Variants in IQGAP2 observed in about 807,000 individuals in gnomAD.
The protein encoded by IQGAP2 is IQ motif containing GTPase activating protein 2.
IQGAP2 carries 173 observed loss-of-function variants against 201.3 expected under a neutral mutation model. That is an observed-to-expected ratio of 0.86 (90% CI 0.76 to 0.98). The LOEUF is 0.98. Among genes scored for constraint, IQGAP2 ranks in the 50% least tolerant of loss-of-function variants. The pLI, the probability that IQGAP2 is intolerant of heterozygous loss-of-function variation, is 0.00. For missense variants in IQGAP2, 1,687 were observed against 1,864.8 expected (o/e 0.90, Z 1.76); for synonymous variants, 675 against 673.9 (o/e 1.00, Z -0.03).
intron 30 of IQGAP2, among the ~76,000 whole-genome samples, chr5:76,692,247 G>A (rs1040201172): frequency 1.3e-5 from 2 of 152,184 alleles, no homozygotes; most frequent in Non-Finnish European, 2.9e-5. Context: ...TGCCTCCCGG[G>A]TTTAAGCAAT....
intron 31 of IQGAP2, among the ~76,000 whole-genome samples, chr5:76,695,062 G>C (rs1746600948): frequency 6.6e-6 from 1 of 152,088 alleles, no homozygotes; most frequent in Admixed American, 6.5e-5. Context: ...AGTTTAGCTG[G>C]GTTCTGAACA....
rs773777986 is a variant in IQGAP2 at position 76,631,940 on chromosome 5, C to T, written c.1694C>T (p.Thr565Ile). Residue 565 changes from threonine (T) to isoleucine (I), a missense_variant, in exon 15 of 36, where the codon ACT becomes ATT. Physicochemically the swap from Thr to Ile is moderately conservative, Grantham distance 89. Transcript: ENST00000274364. Reference protein sequence around the residue: ...SDILSVLKSSTSNANDIIPEC... With the variant: ...SDILSVLKSSISNANDIIPEC... ...ATTTTGTCTGTATTGAAGTCTTCCA[C>T]TTCTAATGCAAATGACATAATCCCG... The T allele has an allele frequency of 6.2e-7, 1 of 1,612,718 alleles. No homozygotes were observed. The highest frequency in any genetic ancestry group is 8.5e-7 in the Non-Finnish European group (1 of 1,179,156).
chr5:76,619,002 A>G (rs1749315396), intron 13 of IQGAP2, among the ~76,000 whole-genome samples: 1 of 152,248 alleles, frequency 6.6e-6, no homozygotes, highest in Non-Finnish European at 1.5e-5. Context: ...GTCAAGGAAA[A>G]GATGAACTTG....
intron 1 of IQGAP2, among the ~76,000 whole-genome samples, chr5:76,461,055 T>G (rs962035253): frequency 3.3e-5 from 5 of 151,776 alleles, no homozygotes; most frequent in Admixed American, 6.6e-5. Flanking sequence ...ATTTTTTGTA[T>G]TTTTAGTAGA....
intron 2 of IQGAP2, among the ~76,000 whole-genome samples, chr5:76,472,821 T>G (rs76801527): frequency 2.6e-5 from 4 of 152,362 alleles, no homozygotes; most frequent in Non-Finnish European, 5.9e-5. Context: ...AAAGTTTATA[T>G]TTGTTTCTCA....
chr5:76,464,382 G>T (rs1754659249), intron 2 of IQGAP2, among the ~76,000 whole-genome samples: 1 of 152,062 alleles, frequency 6.6e-6, no homozygotes, highest in Admixed American at 6.5e-5. Flanking sequence ...TGTGATATTG[G>T]GTTTATTATA....
At chr5:76,699,652 TCTCTCTCTCA>T (rs1161026677) in intron 33 of IQGAP2, among the ~76,000 whole-genome samples, 45 of 110,226 alleles carry the variant, frequency 4.1e-4, no homozygotes, top group African/African-American at 5.3e-4. Context: ...TCTCTCTCTC[TCTCTCTCTCA>T]CTCTCGTGCT....
intron 21 of IQGAP2, among the ~76,000 whole-genome samples, chr5:76,660,882 C>T (rs143793887): frequency 6.6e-6 from 1 of 151,816 alleles, no homozygotes; most frequent in African/African-American, 2.4e-5. Context: ...ATGCAGAGGG[C>T]GATAGAATTA....
At chr5:76,676,642 C>A (rs1171801016) in intron 27 of IQGAP2, among the ~76,000 whole-genome samples, 2 of 152,166 alleles carry the variant, frequency 1.3e-5, no homozygotes, top group African/African-American at 4.8e-5. Context: ...GGGTCTGAGT[C>A]CTGGGACATG....
At chr5:76,404,595 G>A (rs2150065083) in intron 1 of IQGAP2, 1 of 580,604 alleles carries the variant, frequency 1.7e-6, no homozygotes. Flanking sequence ...TGTGTGTGTG[G>A]TTTTGGATGG....
chr5:76,475,004 G>A (rs994125131), intron 2 of IQGAP2, among the ~76,000 whole-genome samples: 25 of 152,266 alleles, frequency 1.6e-4, no homozygotes, highest in Non-Finnish European at 2.8e-4. Flanking sequence ...AAGCCACCGC[G>A]TCCGGCTGAG....
chr5:76,620,407 G>A (rs1749529995), intron 13 of IQGAP2, among the ~76,000 whole-genome samples: 3 of 152,096 alleles, frequency 2.0e-5, no homozygotes, highest in African/African-American at 7.2e-5. Flanking sequence ...GAGGCAGGAA[G>A]CAATAATGAC....
Position 76,650,722 on chromosome 5 carries a change from A to G in IQGAP2, c.2095-2028A>G, listed in dbSNP as rs1752452618. Among the ~76,000 whole-genome samples, 3 of 152,148 alleles carry G rather than the reference A, an allele frequency of 2.0e-5. No individual in the cohort carries two copies. In the South Asian group the frequency reaches 6.2e-4, roughly 31 times the overall value. On this transcript the variant is annotated intron_variant, in intron 17 of 35. Transcript: ENST00000274364. Reference sequence around the variant, plus strand: ...TGTGCCATGTTGGTTTGCTGCGCCCACTAACTCGTCATTTACATTAGGTAT... The same window carrying G: ...TGTGCCATGTTGGTTTGCTGCGCCCGCTAACTCGTCATTTACATTAGGTAT...
chr5:76,693,738 A>T, intron 31 of IQGAP2: 2 of 241,650 alleles, frequency 8.3e-6, no homozygotes, highest in Non-Finnish European at 8.0e-6. Context: ...ATGGGCAAAT[A>T]AGTCAGTTGA....
At position 76,673,588 on chromosome 5, in the gene IQGAP2, CCGT is replaced by C; in HGVS notation, c.3209_3209+2del. On this transcript the variant is annotated splice_donor_variant and coding_sequence_variant, in exon 25 of 36. Coordinates refer to ENST00000274364, the MANE Select transcript of IQGAP2 (RefSeq NM_006633.5). LOFTEE classifies it high-confidence loss of function. The stretch of plus-strand genomic sequence containing the variant: ...TATCATTTCTTCCCTTGATCTACTG[CCGT>C]AAGTTGTACTTGCAGCAAGTTTAAC... 1 of 1,613,024 alleles carries C rather than the reference CCGT, an allele frequency of 6.2e-7. No individual in the cohort carries two copies. Among genetic ancestry groups the C allele is most frequent in the Non-Finnish European group, 8.5e-7 (1 of 1,179,564 alleles).
chr5:76,465,897 A>G (rs7706384), intron 2 of IQGAP2, among the ~76,000 whole-genome samples: 34,353 of 152,180 alleles, frequency 0.23, 4,268 homozygotes, highest in African/African-American at 0.31. Flanking sequence ...TTAAATAGAC[A>G]GAAAGACATC....
In IQGAP2 at chr5:76,611,188, G is replaced by A. The variant is rs780818538; in HGVS notation, c.1521+5G>A. The A allele has an allele frequency of 1.2e-6, 2 of 1,605,098 alleles. No homozygotes were observed. Among genetic ancestry groups the A allele is most frequent in the Admixed American group, 1.7e-5 (1 of 58,144 alleles). On this transcript the variant is annotated splice_donor_5th_base_variant and intron_variant, in intron 13 of 35. Transcript: ENST00000274364. ...GCTAAATCACAGAAACTCGGAGTAA[G>A]TTTTAGTATATCTGTTTCTTTTAAA... is the stretch of plus-strand genomic sequence containing the variant.
At chr5:76,597,920 T>C (rs1747155728) in intron 10 of IQGAP2, among the ~76,000 whole-genome samples, 1 of 152,056 alleles carries the variant, frequency 6.6e-6, no homozygotes, top group Non-Finnish European at 1.5e-5. Flanking sequence ...CGATGTGGTA[T>C]TTTTTTTACA....
At chr5:76,583,663 A>G (rs1202936780) in intron 5 of IQGAP2, among the ~76,000 whole-genome samples, 1 of 152,212 alleles carries the variant, frequency 6.6e-6, no homozygotes, top group African/African-American at 2.4e-5. Context: ...CTTTTACTTA[A>G]GCCAGGATGT....
Sources: gnomAD v4.1 joint callset for allele counts (sites outside exome capture counted in the v4.1 genomes callset) on GRCh38, gnomAD v4.1.1 for gene constraint, MANE v1.5 for transcripts, NCBI Gene and HGNC (gene_info 2026-07-23, HGNC 2026-07-21) for gene names.